XKR4: variants seen among roughly 807,000 people sequenced by gnomAD.
The protein encoded by XKR4 is XK related 4, also known as XK-related protein 4.
A neutral mutation model predicts 53.9 loss-of-function variants in XKR4; 12 were observed. The observed-to-expected ratio is 0.22, with a 90% CI of 0.14 to 0.36. The LOEUF (loss-of-function observed/expected upper bound fraction) is 0.36. Among genes scored for constraint, XKR4 ranks in the 10% least tolerant of loss-of-function variants. The pLI is 1.00. For synonymous variants in XKR4, 354 were observed against 362.4 expected (o/e 0.98, Z 0.26); for missense variants, 799 against 859.5 (o/e 0.93, Z 0.88).
intron 2 of XKR4, among the ~76,000 whole-genome samples, chr8:55,520,652 G>A (rs1325646330): frequency 2.0e-5 from 3 of 152,200 alleles, no homozygotes; most frequent in Non-Finnish European, 4.4e-5. Context: ...TTCATAAAGA[G>A]GGTATCACAG....
chr8:55,443,632 A>G (rs1006876928), intron 2 of XKR4, among the ~76,000 whole-genome samples: 1 of 150,006 alleles, frequency 6.7e-6, no homozygotes, highest in Non-Finnish European at 1.5e-5. Flanking sequence ...TCATGAGGTC[A>G]GGAGATCGAA....
intron 1 of XKR4, among the ~76,000 whole-genome samples, chr8:55,158,490 C>T (rs1215396254): frequency 6.6e-6 from 1 of 152,126 alleles, no homozygotes; most frequent in Non-Finnish European, 1.5e-5. Context: ...TGTGCAGAAG[C>T]TCGTTAGTTT....
At chr8:55,375,716 CTTTTTTT>C (rs61454234) in intron 2 of XKR4, among the ~76,000 whole-genome samples, 199 of 148,734 alleles carry the variant, frequency 1.3e-3, no homozygotes, top group African/African-American at 4.8e-3. Flanking sequence ...TCTTCTTTTT[CTTTTTTT>C]TTTTAAATAT....
intron 2 of XKR4, among the ~76,000 whole-genome samples, chr8:55,425,420 C>CTCA (rs113871141): frequency 0.12 from 18,209 of 149,542 alleles, 2,870 homozygotes; most frequent in African/African-American, 0.36. Context: ...TCTAGCCTCT[C>CTCA]TCATCATCTC....
At chr8:55,393,137 G>A (rs1804465597) in intron 2 of XKR4, among the ~76,000 whole-genome samples, 1 of 152,124 alleles carries the variant, frequency 6.6e-6, no homozygotes, top group Admixed American at 6.5e-5. Context: ...AAAGATTGAT[G>A]AGAAACTTCT....
intron 2 of XKR4, chr8:55,449,484 G>T: frequency 1.8e-6 from 2 of 1,097,100 alleles, no homozygotes; most frequent in South Asian, 1.4e-5. Flanking sequence ...ACTGGAAGCA[G>T]AGCAGCCAGG....
At chr8:55,236,495 A>T (rs930626560) in intron 1 of XKR4, among the ~76,000 whole-genome samples, 1 of 152,094 alleles carries the variant, frequency 6.6e-6, no homozygotes, top group African/African-American at 2.4e-5. Context: ...CAGAGGAAAA[A>T]CAGTCAAGAG....
intron 2 of XKR4, among the ~76,000 whole-genome samples, chr8:55,474,530 T>C (rs1805945588): frequency 6.6e-6 from 1 of 152,118 alleles, no homozygotes; most frequent in South Asian, 2.1e-4. Flanking sequence ...AAATACTCAT[T>C]GGCTTCAGTG....
intron 1 of XKR4, among the ~76,000 whole-genome samples, chr8:55,285,406 A>G (rs1818894727): frequency 6.6e-6 from 1 of 152,144 alleles, no homozygotes; most frequent in African/African-American, 2.4e-5. Flanking sequence ...ATAAATCTTT[A>G]TTTCAGGTGA....
intron 1 of XKR4, among the ~76,000 whole-genome samples, chr8:55,308,417 GGA>G (rs988693312): frequency 4.6e-5 from 7 of 152,142 alleles, no homozygotes; most frequent in African/African-American, 1.4e-4. Context: ...CAAGGCAGCA[GGA>G]GAGAGAGTGT....
chr8:55,447,383 A>G (rs1805362744), intron 2 of XKR4, among the ~76,000 whole-genome samples: 1 of 152,230 alleles, frequency 6.6e-6, no homozygotes, highest in South Asian at 2.1e-4. Context: ...GTAGATGGAC[A>G]CTACGGCTCC....
At chr8:55,229,669 G>A (rs1206912321) in intron 1 of XKR4, among the ~76,000 whole-genome samples, 3 of 152,082 alleles carry the variant, frequency 2.0e-5, no homozygotes, top group South Asian at 4.2e-4. Flanking sequence ...CTTCTGTCAC[G>A]GATGTATTAC....
Position 55,527,818 on chromosome 8 carries a change from A to G in XKR4, c.*3591A>G, listed in dbSNP as rs1450588477. 1 of 152,220 alleles carries G rather than the reference A, an allele frequency of 6.6e-6. No homozygotes were observed. The highest frequency in any genetic ancestry group is 1.5e-5 in the Non-Finnish European group (1 of 68,030). 9.4% of individuals were successfully genotyped at this position (152,220 alleles called of 1,614,324 possible). A position where few individuals can be genotyped will look rare whatever the true frequency, so the allele number is the denominator to read the frequency against. ...GGATAAAAGTAAAATGAAGTATTTT[A>G]TGGTTAATTTCTAAATGCCCAATTT... On this transcript the variant is annotated 3_prime_UTR_variant, in exon 3 of 3. Transcript: ENST00000327381.
In XKR4 at chr8:55,526,433, T is replaced by G. The variant is rs1806883544; in HGVS notation, c.*2206T>G. 1 of 152,216 alleles carries G rather than the reference T, an allele frequency of 6.6e-6. No individual in the cohort carries two copies. Among genetic ancestry groups the G allele is most frequent in the Non-Finnish European group, 1.5e-5 (1 of 68,030 alleles). 9.4% of individuals were successfully genotyped at this position (152,216 alleles called of 1,614,324 possible). A position where few individuals can be genotyped will look rare whatever the true frequency, so the allele number is the denominator to read the frequency against. ...AAGCAAGATTTCCACTAAAAAATAC[T>G]AATCTTTTGTTGGGATGTGGAAAGA... is the stretch of plus-strand genomic sequence containing the variant. On this transcript the variant is annotated 3_prime_UTR_variant, in exon 3 of 3. Coordinates refer to ENST00000327381, the MANE Select transcript of XKR4 (RefSeq NM_052898.2).
intron 2 of XKR4, among the ~76,000 whole-genome samples, chr8:55,446,574 C>T (rs1056803229): frequency 6.6e-6 from 1 of 152,136 alleles, no homozygotes; most frequent in African/African-American, 2.4e-5. Context: ...GTCTTGAACT[C>T]CTGAGCTCAG....
At chr8:55,444,686 A>T (rs1287134603) in intron 2 of XKR4, among the ~76,000 whole-genome samples, 2 of 152,244 alleles carry the variant, frequency 1.3e-5, no homozygotes, top group African/African-American at 2.4e-5. Context: ...GTTGGTTAGT[A>T]TGAGTAGTGA....
chr8:55,461,686 G>A (rs927378635), intron 2 of XKR4, among the ~76,000 whole-genome samples: 7 of 152,182 alleles, frequency 4.6e-5, no homozygotes, highest in African/African-American at 1.4e-4. Context: ...TGAGCTAAAG[G>A]AGGAAGTTCG....
intron 1 of XKR4, among the ~76,000 whole-genome samples, chr8:55,312,820 C>T (rs1016157225): frequency 3.9e-5 from 6 of 152,128 alleles, no homozygotes; most frequent in Non-Finnish European, 8.8e-5. Context: ...GCTATATAAT[C>T]TAAGACCCTT....
intron 1 of XKR4, among the ~76,000 whole-genome samples, chr8:55,340,277 G>A (rs1399107083): frequency 6.6e-6 from 1 of 152,236 alleles, no homozygotes; most frequent in African/African-American, 2.4e-5. Context: ...AGCTGAGGTT[G>A]TGTGGTGTTT....
Sources: allele counts gnomAD v4.1 joint callset (sites outside exome capture counted in the v4.1 genomes callset), GRCh38; gene constraint gnomAD v4.1.1; transcripts MANE v1.5; gene names NCBI Gene and HGNC (gene_info 2026-07-23, HGNC 2026-07-21).